The following SLC12A8 variants were observed in gnomAD, a reference collection of about 807,000 sequenced individuals.
The protein encoded by SLC12A8 is cation-chloride cotransporter 9.
A neutral mutation model predicts 75.6 loss-of-function variants in SLC12A8; 69 were observed. The ratio of observed to expected loss-of-function variants is 0.91; its 90% confidence interval spans 0.75 to 1.11. The LOEUF is 1.11. Among genes scored for constraint, SLC12A8 ranks in the 50% most tolerant of loss-of-function variants. The probability of loss-of-function intolerance (pLI) is 0.00; values close to 1 mark genes in which losing one functional copy is unlikely to be tolerated. For synonymous variants in SLC12A8, 365 were observed against 372.8 expected, an observed-to-expected ratio of 0.98 and a Z score of 0.24; for missense variants, 877 against 896.7, an observed-to-expected ratio of 0.98 and a Z score of 0.28.
intron 2 of SLC12A8, among the ~76,000 whole-genome samples, chr3:125,208,074 G>A (rs139824459): frequency 4.6e-5 from 7 of 152,326 alleles, no homozygotes; most frequent in South Asian, 2.1e-4. Context: ...CAGTCAGAAT[G>A]GGAAACCCAG....
At chr3:125,203,088 C>CAAAAAAAA (rs758212012) in intron 2 of SLC12A8, among the ~76,000 whole-genome samples, 2 of 88,434 alleles carry the variant, frequency 2.3e-5, no homozygotes, top group Non-Finnish European at 4.1e-5. Flanking sequence ...GACTTCATCT[C>CAAAAAAAA]AAAAAAAAAA....
chr3:125,197,014 T>C (rs1447446131), intron 2 of SLC12A8, among the ~76,000 whole-genome samples: 1 of 152,212 alleles, frequency 6.6e-6, no homozygotes, highest in Non-Finnish European at 1.5e-5. Flanking sequence ...CTAAATATCA[T>C]TCTTCACTTT....
intron 13 of SLC12A8, among the ~76,000 whole-genome samples, chr3:125,085,820 C>A (rs1219717684): frequency 6.6e-6 from 1 of 152,180 alleles, no homozygotes; most frequent in African/African-American, 2.4e-5. Context: ...AAGTGATCGG[C>A]CTGCCTCAGC....
chr3:125,131,541 C>A (rs531684651), intron 6 of SLC12A8, among the ~76,000 whole-genome samples: 67 of 152,244 alleles, frequency 4.4e-4, no homozygotes, highest in Non-Finnish European at 8.8e-4. Context: ...GCATGCCCTA[C>A]CACACCTGGC....
chr3:125,170,604 G>T (rs544841233), intron 5 of SLC12A8, among the ~76,000 whole-genome samples: 48 of 152,342 alleles, frequency 3.2e-4, no homozygotes, highest in African/African-American at 1.1e-3. Context: ...GTGCATGTGA[G>T]CTTGTGCATG....
chr3:125,124,658 G>T (rs1933152222), intron 6 of SLC12A8, among the ~76,000 whole-genome samples: 2 of 152,130 alleles, frequency 1.3e-5, no homozygotes, highest in Admixed American at 1.3e-4. Flanking sequence ...ACACACTGTG[G>T]CTGTCATTTC....
chr3:125,125,356 G>A (rs1371055617), intron 6 of SLC12A8, among the ~76,000 whole-genome samples: 1 of 152,066 alleles, frequency 6.6e-6, no homozygotes, highest in Non-Finnish European at 1.5e-5. Context: ...TCAGGAGTTG[G>A]AGACCAGCCT....
chr3:125,119,129 C>T (rs1179034028), intron 7 of SLC12A8: 5 of 274,956 alleles, frequency 1.8e-5, no homozygotes, highest in Admixed American at 4.8e-5. Flanking sequence ...ATTTGCATGT[C>T]ATCCTTGCAC....
At chr3:125,178,908 T>C (rs114939745) in intron 4 of SLC12A8, among the ~76,000 whole-genome samples, 1,854 of 152,336 alleles carry the variant, frequency 0.012, 45 homozygotes, top group African/African-American at 0.04. Context: ...AAAAATGAAA[T>C]GAAATCCTTG....
chr3:125,181,619 A>G (rs1250567870), intron 4 of SLC12A8, among the ~76,000 whole-genome samples: 6 of 149,376 alleles, frequency 4.0e-5, no homozygotes, highest in Non-Finnish European at 5.9e-5. Context: ...AAAAAAAAAA[A>G]AAAAAAAAGA....
At position 125,190,409 on chromosome 3, in the gene SLC12A8, C is replaced by G; in HGVS notation, c.164G>C (p.Gly55Ala). ...GCCAGTCCTCAGGAAGAGCACAACCCCAAAGATGTTGATCATGCAGGATGT... is the reference window on the plus strand; with the variant it reads ...GCCAGTCCTCAGGAAGAGCACAACCGCAAAGATGTTGATCATGCAGGATGT... ...VFTSCMINIFGVVLFLRTGWL... is the reference protein window; with the variant it reads ...VFTSCMINIFAVVLFLRTGWL... The change falls in exon 3 of 14, where the codon GGG becomes GCG. Residue 55 changes from glycine (G) to alanine (A), a missense_variant. By Grantham distance (60) the Gly-to-Ala change is moderately conservative. Coordinates refer to ENST00000469902, the MANE Select transcript of SLC12A8 (RefSeq NM_024628.6). The G allele has an allele frequency of 1.2e-6, 2 of 1,614,216 alleles. No homozygotes were observed. Among genetic ancestry groups the G allele is most frequent in the Non-Finnish European group, 1.7e-6 (2 of 1,180,038 alleles).
chr3:125,169,592 G>A (rs1009371744), intron 5 of SLC12A8, among the ~76,000 whole-genome samples: 8 of 152,158 alleles, frequency 5.3e-5, no homozygotes, highest in African/African-American at 1.9e-4. Flanking sequence ...CTCTGCACCT[G>A]AGTATGAGGC....
chr3:125,097,213 C>T (rs939991584), intron 10 of SLC12A8, among the ~76,000 whole-genome samples: 7 of 132,854 alleles, frequency 5.3e-5, no homozygotes, highest in African/African-American at 1.3e-4. Context: ...GGTGAAACCC[C>T]GTCTCTACTA....
chr3:125,186,656 C>T (rs1252676999), intron 4 of SLC12A8, among the ~76,000 whole-genome samples: 1 of 152,222 alleles, frequency 6.6e-6, no homozygotes, highest in East Asian at 1.9e-4. Flanking sequence ...TAGGATTTCC[C>T]CCTACTCGCT....
intron 2 of SLC12A8, among the ~76,000 whole-genome samples, chr3:125,198,985 A>C (rs571706296): frequency 6.6e-6 from 1 of 151,946 alleles, no homozygotes; most frequent in Non-Finnish European, 1.5e-5. Flanking sequence ...TCACCGTGTT[A>C]GCCAGGATGG....
At chr3:125,096,759 C>T (rs756960359) in intron 10 of SLC12A8, among the ~76,000 whole-genome samples, 3 of 152,130 alleles carry the variant, frequency 2.0e-5, no homozygotes, top group Non-Finnish European at 4.4e-5. Context: ...GGCTCTATTA[C>T]TTTTCAAAAA....
chr3:125,139,718 G>A (rs78207416), intron 5 of SLC12A8, among the ~76,000 whole-genome samples: 1,886 of 152,322 alleles, frequency 0.012, 40 homozygotes, highest in African/African-American at 0.043. Flanking sequence ...TAAGCATGGT[G>A]TGAGGTCAGT....
At chr3:125,191,333 C>T (rs573212769) in intron 2 of SLC12A8, among the ~76,000 whole-genome samples, 10 of 152,304 alleles carry the variant, frequency 6.6e-5, no homozygotes, top group African/African-American at 1.7e-4. Context: ...ACCATAACTT[C>T]GTGGATATAC....
intron 8 of SLC12A8, among the ~76,000 whole-genome samples, chr3:125,114,893 T>G (rs1939271322): frequency 6.6e-6 from 1 of 152,202 alleles, no homozygotes; most frequent in African/African-American, 2.4e-5. Flanking sequence ...ATCTATTTAA[T>G]TTCACCCCAA....
Sources: gnomAD v4.1 joint callset for allele counts (sites outside exome capture counted in the v4.1 genomes callset) on GRCh38, gnomAD v4.1.1 for gene constraint, MANE v1.5 for transcripts, NCBI Gene and HGNC (gene_info 2026-07-23, HGNC 2026-07-21) for gene names.